Variants in SMC3 observed in about 807,000 individuals in gnomAD.
The protein encoded by SMC3 is structural maintenance of chromosomes protein 3.
SMC3 carries 20 observed loss-of-function variants against 171.8 expected under a neutral mutation model. The observed-to-expected ratio is 0.12, with a 90% confidence interval of 0.08 to 0.17. SMC3 has a LOEUF of 0.17. Ranked by LOEUF, SMC3 falls within the 10% of genes least tolerant of loss-of-function variation. The probability of loss-of-function intolerance (pLI) is 1.00; values close to 1 mark genes in which losing one functional copy is unlikely to be tolerated. For synonymous variants in SMC3, 464 were observed against 451.1 expected, an observed-to-expected ratio of 1.03 and a Z score of -0.36; for missense variants, 543 against 1,420.4, an observed-to-expected ratio of 0.38 and a Z score of 9.93.
chr10:110,595,831 A>G (rs1317794888), intron 18 of SMC3, among the ~76,000 whole-genome samples: 1 of 151,400 alleles, frequency 6.6e-6, no homozygotes, highest in African/African-American at 2.4e-5. Flanking sequence ...TGGAAATTTC[A>G]AGCTAGGTCC....
intron 13 of SMC3, among the ~76,000 whole-genome samples, chr10:110,584,753 T>C (rs1861083538): frequency 6.6e-6 from 1 of 152,166 alleles, no homozygotes; most frequent in Non-Finnish European, 1.5e-5. Context: ...GCCTCCTAAC[T>C]GGGACCACAG....
chr10:110,590,871 A>G (rs1440951972), intron 16 of SMC3, 120 bp from the exon 17 acceptor site: 1 of 901,216 alleles, frequency 1.1e-6, no homozygotes, highest in Non-Finnish European at 1.8e-6. Flanking sequence ...TAACATTTTA[A>G]AAGTGCACAC....
chr10:110,578,854 T>C (rs536227874), intron 7 of SMC3, 148 bp downstream of exon 7: 20 of 650,120 alleles, frequency 3.1e-5, no homozygotes, highest in African/African-American at 2.9e-4. Context: ...ATAGGTCCAT[T>C]GCATGTTGAG....
intron 4 of SMC3, among the ~76,000 whole-genome samples, chr10:110,575,808 C>T (rs1292018073): frequency 3.9e-5 from 6 of 152,156 alleles, no homozygotes; most frequent in Non-Finnish European, 5.9e-5. Context: ...CCTCCATGTA[C>T]ATTTCTTTAA....
chr10:110,594,535 T>A, intron 18 of SMC3, among the ~76,000 whole-genome samples: 1 of 152,116 alleles, frequency 6.6e-6, no homozygotes. Context: ...AAATGCTAAA[T>A]CTCATTTTGA....
At chr10:110,570,981 C>T (rs1049511763) in intron 2 of SMC3, among the ~76,000 whole-genome samples, 1 of 152,164 alleles carries the variant, frequency 6.6e-6, no homozygotes, top group Non-Finnish European at 1.5e-5. Context: ...ATGATGTTGA[C>T]TATTAAAAAA....
intron 19 of SMC3, 22 bp downstream of exon 19, chr10:110,596,572 A>T: frequency 6.2e-7 from 1 of 1,609,676 alleles, no homozygotes; most frequent in Non-Finnish European, 8.5e-7. Flanking sequence ...TTTTGTGCAT[A>T]GTGATAGATA....
chr10:110,570,701 C>T (rs755942376), intron 2 of SMC3, among the ~76,000 whole-genome samples: 2 of 152,104 alleles, frequency 1.3e-5, no homozygotes, highest in African/African-American at 2.4e-5. Flanking sequence ...TACATTTTGT[C>T]TATAAGGTCC....
At position 110,599,782 on chromosome 10, in the gene SMC3, A is replaced by G. The variant is rs772723207; in HGVS notation, c.2397A>G (p.Ala799=). 1 of 1,614,146 alleles carries G rather than the reference A, an allele frequency of 6.2e-7. No individual in the cohort carries two copies. Residue 799 remains alanine (A), a synonymous_variant, in exon 21 of 29, where the codon GCA becomes GCG. Transcript: ENST00000361804. ...TGGAAGATCAGAAGAGAGTAGATGC[A>G]CTGAATGATGAGATTCGTCAACTTC... ...LSLEDQKRVD[A]LNDEIRQLQQ...
Position 110,573,722 on chromosome 10 carries a change from C to A in SMC3, c.107C>A (p.Ser36Tyr). Residue 36 changes from serine to tyrosine, a missense_variant, in exon 3 of 29, where the codon TCT (serine) becomes TAT (tyrosine). Coordinates refer to ENST00000361804, the MANE Select transcript of SMC3 (RefSeq NM_005445.4). ...KHNVIVGRNGSGKSNFFYAIQ... is the reference protein window; with the variant it reads ...KHNVIVGRNGYGKSNFFYAIQ... ...AATTTTCCAGTGGGCAGAAATGGAT[C>A]TGGAAAAAGTAACTTTTTTTATGGT... The A allele has an allele frequency of 6.2e-7, 1 of 1,600,502 alleles. No individual in the cohort carries two copies. The highest frequency in any genetic ancestry group is 8.6e-7 in the Non-Finnish European group (1 of 1,168,748).
At position 110,589,081 on chromosome 10, in the gene SMC3, A is replaced by G. The variant is rs144436000; in HGVS notation, c.1306-524A>G. Among the ~76,000 whole-genome samples the G allele has an allele frequency of 1.2e-4, 18 of 152,218 alleles. No individual in the cohort carries two copies. In the Middle Eastern group the frequency reaches 0.027, roughly 230 times the overall value. ...TCTGGTGTGGTATGCTCTTTTGCCT[A>G]AAGACAACTTTTAAAAACTGAAATG... On this transcript the variant is annotated intron_variant, in intron 13 of 28. Coordinates refer to ENST00000361804, the MANE Select transcript of SMC3 (RefSeq NM_005445.4).
intron 18 of SMC3, among the ~76,000 whole-genome samples, 174 bp downstream of exon 18, chr10:110,593,397 C>T (rs983746782): frequency 1.3e-5 from 2 of 151,976 alleles, no homozygotes; most frequent in African/African-American, 4.8e-5. Flanking sequence ...CGAGGCGAAA[C>T]CCTGTCTCCA....
intron 12 of SMC3, 99 bp from the exon 13 acceptor site, chr10:110,584,084 A>C: frequency 6.5e-7 from 1 of 1,527,960 alleles, no homozygotes; most frequent in African/African-American, 1.4e-5. Context: ...ATCTTTTTGA[A>C]AAATGGCTTT....
rs142843159 is a variant in SMC3 at position 110,600,678 on chromosome 10, G to T, written c.2535+132G>T. 1.2e-3 allele frequency: 848 copies of T among 680,750 alleles called. 4 individuals are homozygous for T. In the African/African-American group the frequency reaches 0.014, roughly 11 times the overall value. 42.2% of individuals were successfully genotyped at this position (680,750 alleles called of 1,614,324 possible). ...GAAAGCTTAGTGTCTTGTGGGCCTT[G>T]GGTTGGAATTCTGCCACCTAGTGTG... On this transcript the variant is annotated intron_variant, in intron 22 of 28. Transcript: ENST00000361804.
intron 19 of SMC3, among the ~76,000 whole-genome samples, chr10:110,597,725 A>G (rs899665763): frequency 1.3e-5 from 2 of 152,232 alleles, no homozygotes; most frequent in African/African-American, 4.8e-5. Flanking sequence ...ATCCAGCTAG[A>G]TTGAATTATT....
At chr10:110,573,667 T>G (rs1860906436) in intron 2 of SMC3, 40 bp from the exon 3 acceptor site, 4 of 1,415,432 alleles carry the variant, frequency 2.8e-6, no homozygotes, top group Non-Finnish European at 4.0e-6. Context: ...ATTTTATTGG[T>G]TTTTATGTAA....
intron 9 of SMC3, 31 bp downstream of exon 9, chr10:110,582,129 A>C: frequency 6.3e-7 from 1 of 1,577,356 alleles, no homozygotes; most frequent in Non-Finnish European, 8.7e-7. Context: ...ACTTAAAATC[A>C]GATTAATTTT....
Position 110,581,023 on chromosome 10 carries a change from T to TA in SMC3, c.547+6dup. On this transcript the variant is annotated splice_region_variant and intron_variant, in intron 8 of 28. Transcript: ENST00000361804. ...GCATCTCCTTAATGAAAGAAACAGG[T>TA]AAAATAAATGTGATTCTGCCTTATT... 2 of 1,480,544 alleles carry TA rather than the reference T, an allele frequency of 1.4e-6. No homozygotes were observed. The highest frequency in any genetic ancestry group is 1.9e-6 in the Non-Finnish European group (2 of 1,058,182). 91.7% of individuals were successfully genotyped at this position (1,480,544 alleles called of 1,614,324 possible). A position where few individuals can be genotyped will look rare whatever the true frequency, so the allele number is the denominator to read the frequency against.
At chr10:110,580,053 A>G (rs1226750662) in intron 7 of SMC3, among the ~76,000 whole-genome samples, 2 of 152,206 alleles carry the variant, frequency 1.3e-5, no homozygotes, top group Admixed American at 6.5e-5. Flanking sequence ...ATAAAATTTT[A>G]AAACAGTACA....
Sources: gnomAD v4.1 joint callset for allele counts (sites outside exome capture counted in the v4.1 genomes callset) on GRCh38, gnomAD v4.1.1 for gene constraint, MANE v1.5 for transcripts, NCBI Gene and HGNC (gene_info 2026-07-23, HGNC 2026-07-21) for gene names.